RAB2A: variants seen among roughly 807,000 people sequenced by gnomAD.
The protein encoded by RAB2A is RAB2A, member RAS oncogene family, also known as ras-related protein Rab-2A.
In RAB2A, 7 loss-of-function variants were observed where a neutral mutation model predicts 32.5. The observed-to-expected ratio is 0.22, with a 90% CI of 0.12 to 0.40. The LOEUF is 0.40. Among genes scored for constraint, RAB2A ranks in the 10% least tolerant of loss-of-function variants. The pLI is 1.00. For synonymous variants in RAB2A, 79 were observed against 85.2 expected, an observed-to-expected ratio of 0.93 and a Z score of 0.40; for missense variants, 108 against 260.7, an observed-to-expected ratio of 0.41 and a Z score of 4.03.
chr8:60,534,201 T>C (rs1317600552), intron 1 of RAB2A, among the ~76,000 whole-genome samples: 1 of 152,218 alleles, frequency 6.6e-6, no homozygotes, highest in Non-Finnish European at 1.5e-5. Flanking sequence ...AGTAAACCTT[T>C]ATTGAGCACC....
At position 60,621,448 on chromosome 8, in the gene RAB2A, G is replaced by T. The variant is rs1430014873; in HGVS notation, c.*679G>T. 1 of 152,024 alleles carries T rather than the reference G, an allele frequency of 6.6e-6. No homozygotes were observed. Among genetic ancestry groups the T allele is most frequent in the African/African-American group, 2.4e-5 (1 of 41,380 alleles). The allele number at this position is 152,024 out of a possible 1,614,324, so 9.4% of individuals were successfully genotyped here. On this transcript the variant is annotated 3_prime_UTR_variant, in exon 8 of 8. Coordinates refer to ENST00000262646, the MANE Select transcript of RAB2A (RefSeq NM_002865.3). ...AAATATGCTTAATGTATATTACAAA[G>T]GCTTTGTATATGTTAACCTGTTTTA... is the stretch of plus-strand genomic sequence containing the variant.
At chr8:60,604,081 G>A (rs1405041095) in intron 6 of RAB2A, among the ~76,000 whole-genome samples, 1 of 152,122 alleles carries the variant, frequency 6.6e-6, no homozygotes, top group Admixed American at 6.6e-5. Context: ...ACCGCTTGGT[G>A]CAGTTCTTGT....
intron 3 of RAB2A, among the ~76,000 whole-genome samples, chr8:60,577,588 T>G (rs967607588): frequency 6.6e-6 from 1 of 152,076 alleles, no homozygotes; most frequent in African/African-American, 2.4e-5. Flanking sequence ...TTCAAAATAT[T>G]TCCTCTCAAT....
At chr8:60,575,099 T>TTTC (rs1554555780) in intron 3 of RAB2A, among the ~76,000 whole-genome samples, 1 of 149,448 alleles carries the variant, frequency 6.7e-6, no homozygotes, top group Non-Finnish European at 1.5e-5. Context: ...GGGGGTTTTT[T>TTTC]TTTTTTTTTT....
Position 60,622,309 on chromosome 8 carries a change from G to T in RAB2A, c.*1540G>T, listed in dbSNP as rs1273106329. On this transcript the variant is annotated 3_prime_UTR_variant, in exon 8 of 8. Transcript: ENST00000262646. ...CGCTCATGGCCTTCAACTTTCTACA[G>T]GTCTTCCCTGAAGATTCAGCAGTAC... 1 of 152,176 alleles carries T rather than the reference G, an allele frequency of 6.6e-6. No individual in the cohort carries two copies. The highest frequency in any genetic ancestry group is 1.5e-5 in the Non-Finnish European group (1 of 68,022). 9.4% of individuals were successfully genotyped at this position (152,176 alleles called of 1,614,324 possible). A position where few individuals can be genotyped will look rare whatever the true frequency, so the allele number is the denominator to read the frequency against.
intron 3 of RAB2A, chr8:60,576,256 C>G (rs751843983): frequency 1.1e-5 from 5 of 456,180 alleles, no homozygotes; most frequent in Admixed American, 7.0e-5. Flanking sequence ...AAGAAACATA[C>G]GTTGCCCCTG....
chr8:60,587,309 A>G (rs2130850936), intron 5 of RAB2A, among the ~76,000 whole-genome samples: 1 of 152,324 alleles, frequency 6.6e-6, no homozygotes, highest in East Asian at 1.9e-4. Flanking sequence ...TAATAGTCAT[A>G]TGTAAAAATA....
At chr8:60,565,965 G>A (rs1445598992) in intron 2 of RAB2A, among the ~76,000 whole-genome samples, 2 of 151,824 alleles carry the variant, frequency 1.3e-5, no homozygotes, top group South Asian at 2.1e-4. Context: ...CACCCGCCTC[G>A]GCCTCCCAAA....
At chr8:60,584,617 A>AAATAT in intron 4 of RAB2A, 106 bp from the exon 5 acceptor site, 4 of 881,376 alleles carry the variant, frequency 4.5e-6, no homozygotes, top group Non-Finnish European at 7.0e-6. Flanking sequence ...CTCGTTACAT[A>AAATAT]AGTGGATATG....
intron 6 of RAB2A, among the ~76,000 whole-genome samples, chr8:60,602,557 C>T (rs1804151904): frequency 6.6e-6 from 1 of 152,192 alleles, no homozygotes; most frequent in African/African-American, 2.4e-5. Context: ...TAAACCAGCA[C>T]TTATTTGGTA....
chr8:60,570,178 G>T, intron 2 of RAB2A: 1 of 336,314 alleles, frequency 3.0e-6, no homozygotes, highest in South Asian at 2.2e-5. Flanking sequence ...AGCATTGATG[G>T]GTCTGTTTCT....
At chr8:60,604,593 G>A (rs1488968040) in intron 6 of RAB2A, among the ~76,000 whole-genome samples, 1 of 152,154 alleles carries the variant, frequency 6.6e-6, no homozygotes, top group Non-Finnish European at 1.5e-5. Context: ...AATTATTGGG[G>A]ACTGGAGCAA....
intron 1 of RAB2A, among the ~76,000 whole-genome samples, chr8:60,549,850 A>T (rs1807818551): frequency 6.6e-6 from 1 of 151,976 alleles, no homozygotes; most frequent in Non-Finnish European, 1.5e-5. Flanking sequence ...GTAAAGATTT[A>T]AATCCAGGCT....
chr8:60,548,463 C>T lies in RAB2A; in HGVS notation c.47-10389C>T, dbSNP rs1181120936. 3.4e-3 allele frequency among the ~76,000 whole-genome samples: 170 copies of T among 49,572 alleles called. 1 individual carries two copies. Among genetic ancestry groups the T allele is most frequent in the African/African-American group, 0.026 (96 of 3,756 alleles). The allele number at this position is 49,572 out of a possible 152,430, so 32.5% of individuals were successfully genotyped here. A position where few individuals can be genotyped will look rare whatever the true frequency, so the allele number is the denominator to read the frequency against. Reference sequence around the variant, plus strand: ...CTCCTCACTTCCCAGTAGGGGCGGCCGGGCAGAGGCGCCCCTCACTTCCCG... The same window carrying T: ...CTCCTCACTTCCCAGTAGGGGCGGCTGGGCAGAGGCGCCCCTCACTTCCCG... On this transcript the variant is annotated intron_variant, in intron 1 of 7. Transcript: ENST00000262646.
chr8:60,576,727 GGA>G (rs1395201109), intron 3 of RAB2A, among the ~76,000 whole-genome samples: 1 of 152,150 alleles, frequency 6.6e-6, no homozygotes, highest in East Asian at 1.9e-4. Context: ...AGTGAGCCAG[GGA>G]GAGGACCTGG....
At chr8:60,531,971 T>A (rs1265808667) in intron 1 of RAB2A, among the ~76,000 whole-genome samples, 2 of 151,954 alleles carry the variant, frequency 1.3e-5, no homozygotes, top group African/African-American at 4.8e-5. Context: ...CCCAACTAAT[T>A]TTTTTGTATT....
rs573166826 is a variant in RAB2A at position 60,617,562 on chromosome 8, A to G, written c.475-1018A>G. On this transcript the variant is annotated intron_variant, in intron 6 of 7. Transcript: ENST00000262646. ...TTTTCTTTTGAGATATAATTCACAT[A>G]CCATAAAATTGATGCTTTTAAACTA... 1.8e-3 allele frequency among the ~76,000 whole-genome samples: 267 copies of G among 152,182 alleles called. 1 individual carries two copies. Among genetic ancestry groups the G allele is most frequent in the African/African-American group, 6.3e-3 (261 of 41,506 alleles).
intron 1 of RAB2A, among the ~76,000 whole-genome samples, chr8:60,522,052 G>A (rs978024090): frequency 6.6e-6 from 1 of 152,230 alleles, no homozygotes; most frequent in African/African-American, 2.4e-5. Context: ...TGAATTGACA[G>A]ATGAAAGCTT....
At chr8:60,522,947 A>G (rs540629313) in intron 1 of RAB2A, among the ~76,000 whole-genome samples, 7 of 152,274 alleles carry the variant, frequency 4.6e-5, no homozygotes, top group Admixed American at 4.6e-4. Context: ...ACCTGCGGCC[A>G]GAAGTACTAG....
Sources: allele counts gnomAD v4.1 joint callset (sites outside exome capture counted in the v4.1 genomes callset), GRCh38; gene constraint gnomAD v4.1.1; transcripts MANE v1.5; gene names NCBI Gene and HGNC (gene_info 2026-07-23, HGNC 2026-07-21).